PDGFD: variants seen among roughly 807,000 people sequenced by gnomAD.
PDGFD encodes the protein platelet-derived growth factor D.
A neutral mutation model predicts 44.7 loss-of-function variants in PDGFD; 30 were observed. The observed-to-expected ratio is 0.67, with a 90% CI of 0.50 to 0.91. PDGFD has a LOEUF of 0.91. Ranked by LOEUF, PDGFD falls within the 40% of genes least tolerant of loss-of-function variation. PDGFD has a pLI of 0.00. For synonymous variants in PDGFD, 173 were observed against 168.4 expected (o/e 1.03, Z -0.21); for missense variants, 445 against 457.8 (o/e 0.97, Z 0.25).
intron 1 of PDGFD, among the ~76,000 whole-genome samples, chr11:104,018,089 T>C (rs1859887749): frequency 6.6e-6 from 1 of 152,140 alleles, no homozygotes; most frequent in Non-Finnish European, 1.5e-5. Flanking sequence ...TGCCATTTTA[T>C]TGATTCCACC....
At chr11:104,074,636 T>C (rs1404505505) in intron 1 of PDGFD, among the ~76,000 whole-genome samples, 3 of 152,164 alleles carry the variant, frequency 2.0e-5, no homozygotes, top group African/African-American at 7.2e-5. Flanking sequence ...AGTGTATTCA[T>C]AGCAGCCAAT....
At chr11:103,992,950 T>C (rs770558595) in intron 3 of PDGFD, among the ~76,000 whole-genome samples, 1 of 152,156 alleles carries the variant, frequency 6.6e-6, no homozygotes, top group Non-Finnish European at 1.5e-5. Flanking sequence ...ATGGGAGGTA[T>C]GCAGGTAGAG....
At chr11:104,065,322 C>T (rs1326483181) in intron 1 of PDGFD, among the ~76,000 whole-genome samples, 1 of 152,116 alleles carries the variant, frequency 6.6e-6, no homozygotes, top group Non-Finnish European at 1.5e-5. Flanking sequence ...ACTACTATTT[C>T]TATTCTATTC....
intron 5 of PDGFD, among the ~76,000 whole-genome samples, chr11:103,938,638 G>A (rs1003793844): frequency 6.6e-6 from 1 of 152,182 alleles, no homozygotes; most frequent in African/African-American, 2.4e-5. Flanking sequence ...CCATGCCTAT[G>A]TCCTGAATGG....
At chr11:104,047,187 G>A (rs537647504) in intron 1 of PDGFD, among the ~76,000 whole-genome samples, 2 of 147,666 alleles carry the variant, frequency 1.4e-5, no homozygotes, top group East Asian at 3.9e-4. Context: ...TGTGAACAGT[G>A]CTGCAATAAA....
At chr11:104,042,968 T>C (rs1385162711) in intron 1 of PDGFD, among the ~76,000 whole-genome samples, 4 of 152,220 alleles carry the variant, frequency 2.6e-5, no homozygotes, top group Non-Finnish European at 4.4e-5. Context: ...CATTCATACA[T>C]GTCACTAAAA....
At chr11:103,931,351 T>C (rs1281907485) in intron 5 of PDGFD, among the ~76,000 whole-genome samples, 1 of 152,214 alleles carries the variant, frequency 6.6e-6, no homozygotes, top group Non-Finnish European at 1.5e-5. Context: ...GGAAAGCACC[T>C]TTGTTCTCCA....
chr11:104,037,132 A>G, intron 1 of PDGFD: 2 of 1,613,912 alleles, frequency 1.2e-6, no homozygotes, highest in Non-Finnish European at 1.7e-6. Flanking sequence ...GGTGCCTGGG[A>G]CGTCCAGCTC....
chr11:103,961,208 TA>T (rs1485880073), intron 3 of PDGFD, among the ~76,000 whole-genome samples: 6 of 152,192 alleles, frequency 3.9e-5, no homozygotes, highest in African/African-American at 1.4e-4. Flanking sequence ...GAAGAATGAC[TA>T]GTCATTGAAT....
At chr11:103,937,719 A>G (rs1858514683) in intron 5 of PDGFD, among the ~76,000 whole-genome samples, 1 of 102,382 alleles carries the variant, frequency 9.8e-6, no homozygotes, top group Non-Finnish European at 1.8e-5. Flanking sequence ...CCACCCCACA[A>G]CAGTCCTCAG....
intron 3 of PDGFD, among the ~76,000 whole-genome samples, chr11:103,955,687 T>A (rs1046358028): frequency 6.6e-6 from 1 of 152,148 alleles, no homozygotes; most frequent in Non-Finnish European, 1.5e-5. Flanking sequence ...TCAAAGAATA[T>A]CTCTCAAAGT....
At chr11:104,134,269 T>G (rs763975598) in intron 1 of PDGFD, among the ~76,000 whole-genome samples, 1 of 152,160 alleles carries the variant, frequency 6.6e-6, no homozygotes, top group Non-Finnish European at 1.5e-5. Flanking sequence ...GCAGTATTAA[T>G]GGAATACTCA....
intron 1 of PDGFD, among the ~76,000 whole-genome samples, chr11:104,111,111 A>T (rs997789793): frequency 1.3e-5 from 2 of 152,072 alleles, no homozygotes; most frequent in Non-Finnish European, 2.9e-5. Flanking sequence ...GATTATAACT[A>T]CACAAACAGC....
intron 1 of PDGFD, among the ~76,000 whole-genome samples, chr11:104,032,095 CAT>C (rs752691107): frequency 6.6e-6 from 1 of 152,062 alleles, no homozygotes; most frequent in Non-Finnish European, 1.5e-5. Flanking sequence ...CACCATGGCA[CAT>C]GTTTACCCAT....
intron 1 of PDGFD, among the ~76,000 whole-genome samples, chr11:104,076,172 C>T (rs510788): frequency 0.47 from 71,521 of 151,974 alleles, 18,627 homozygotes; most frequent in African/African-American, 0.7. Context: ...TTTTTTCCCC[C>T]TCACATTCCA....
At chr11:103,990,690 G>A (rs573023270) in intron 3 of PDGFD, among the ~76,000 whole-genome samples, 1 of 152,120 alleles carries the variant, frequency 6.6e-6, no homozygotes, top group East Asian at 1.9e-4. Context: ...GAAAGAAACT[G>A]AGGTAAACAG....
chr11:103,952,202 G>C (rs544015926), intron 3 of PDGFD, among the ~76,000 whole-genome samples: 2 of 152,318 alleles, frequency 1.3e-5, no homozygotes, highest in African/African-American at 2.4e-5. Context: ...CAGCAGAACA[G>C]TGCCCTTACC....
intron 3 of PDGFD, among the ~76,000 whole-genome samples, chr11:103,988,166 G>A (rs115628700): frequency 5.9e-4 from 90 of 151,776 alleles, no homozygotes; most frequent in East Asian, 5.0e-3. Flanking sequence ...TTCCTACTTC[G>A]TTTTCCTCAT....
intron 6 of PDGFD, among the ~76,000 whole-genome samples, chr11:103,910,254 G>A (rs1858006995): frequency 6.6e-6 from 1 of 152,154 alleles, no homozygotes. Context: ...AAAATATGCT[G>A]GTATATCTAA....
Sources: gnomAD v4.1 joint callset for allele counts (sites outside exome capture counted in the v4.1 genomes callset) on GRCh38, gnomAD v4.1.1 for gene constraint, MANE v1.5 for transcripts, NCBI Gene and HGNC (gene_info 2026-07-23, HGNC 2026-07-21) for gene names.